LRRC37B: variants seen among roughly 807,000 people sequenced by gnomAD.
LRRC37B encodes leucine rich repeat containing 37B, also known as leucine-rich repeat-containing protein 37B.
A neutral mutation model predicts 98.3 loss-of-function variants in LRRC37B; 28 were observed. That is an observed-to-expected ratio of 0.28 (90% confidence interval 0.21 to 0.39). LRRC37B has a LOEUF of 0.39. Ranked by LOEUF, LRRC37B falls within the 10% of genes least tolerant of loss-of-function variation. The pLI, the probability that LRRC37B is intolerant of heterozygous loss-of-function variation, is 1.00. For synonymous variants in LRRC37B, 364 were observed against 442.7 expected (o/e 0.82, Z 2.23); for missense variants, 938 against 1,182.7 (o/e 0.79, Z 3.03).
At chr17:32,034,331 G>A (rs143636962) in intron 5 of LRRC37B, among the ~76,000 whole-genome samples, 181 of 151,864 alleles carry the variant, frequency 1.2e-3, no homozygotes, top group African/African-American at 4.2e-3. Flanking sequence ...ATGAAACTCC[G>A]TCTCTACTAA....
chr17:32,031,849 C>A (rs1485703138), intron 5 of LRRC37B, among the ~76,000 whole-genome samples: 1 of 151,968 alleles, frequency 6.6e-6, no homozygotes, highest in Admixed American at 6.6e-5. Context: ...ACTGAAAATA[C>A]AAAAAAATTA....
At chr17:32,027,495 G>T (rs1445165281) in intron 2 of LRRC37B, among the ~76,000 whole-genome samples, 1 of 149,116 alleles carries the variant, frequency 6.7e-6, no homozygotes, top group Non-Finnish European at 1.5e-5. Context: ...GTGTGGGTGT[G>T]CTTGTGTGTG....
At chr17:32,021,714 A>G (rs770185671) in exon 1 of LRRC37B, 4 of 1,614,244 alleles carry the variant, frequency 2.5e-6, no homozygotes, top group Non-Finnish European at 3.4e-6. Context: ...TGTTTCGCCC[A>G]AGAACCTGAA....
chr17:32,009,109 T>G (rs1321402545), intron 1 of LRRC37B, among the ~76,000 whole-genome samples: 1 of 152,148 alleles, frequency 6.6e-6, no homozygotes, highest in Non-Finnish European at 1.5e-5. Context: ...TGTCAGTTTT[T>G]GTTGGTTTTT....
chr17:32,009,115 T>G lies in LRRC37B; in HGVS notation c.-191+983T>G, dbSNP rs76151964. 2.2e-4 allele frequency among the ~76,000 whole-genome samples: 33 copies of G among 147,926 alleles called. 1 individual carries two copies. Among genetic ancestry groups the G allele is most frequent in the Admixed American group, 1.2e-3 (17 of 14,762 alleles). ...ACTTGATATTGTCAGTTTTTGTTGG[T>G]TTTTTTTTTAGCCACCTTAGTAAGT... On this transcript the variant is annotated intron_variant, in intron 1 of 14. Coordinates refer to the LRRC37B transcript ENST00000543378.
intron 3 of LRRC37B, among the ~76,000 whole-genome samples, chr17:32,029,969 CTG>C (rs1199411616): frequency 6.6e-6 from 1 of 151,768 alleles, no homozygotes; most frequent in Non-Finnish European, 1.5e-5. Flanking sequence ...TATATGATGA[CTG>C]TGTGGAGGAT....
chr17:32,040,769 G>T, intron 7 of LRRC37B: 1 of 836,020 alleles, frequency 1.2e-6, no homozygotes, highest in Non-Finnish European at 2.1e-6. Context: ...ACGCACTGCT[G>T]GATGCCGGCG....
chr17:32,036,945 A>T (rs1463143947), intron 7 of LRRC37B, among the ~76,000 whole-genome samples: 2 of 129,152 alleles, frequency 1.5e-5, no homozygotes, highest in South Asian at 5.5e-4. Flanking sequence ...CCAGCGTTGT[A>T]TGAGAGTCAC....
intron 11 of LRRC37B, chr17:32,050,519 A>G (rs1317305412): frequency 4.4e-5 from 9 of 203,724 alleles, no homozygotes; most frequent in Non-Finnish European, 7.2e-5. Flanking sequence ...GAGGAAGAAG[A>G]CAGCCAAAAG....
At chr17:32,052,354 T>G (rs397833956) in intron 11 of LRRC37B, 4 of 152,152 alleles carry the variant, frequency 2.6e-5, no homozygotes, top group Admixed American at 1.3e-4. Flanking sequence ...AAAACTTTTG[T>G]TGTAGAGACA....
intron 1 of LRRC37B, among the ~76,000 whole-genome samples, chr17:32,023,198 C>T (rs1221780406): frequency 1.9e-4 from 29 of 151,338 alleles, no homozygotes; most frequent in Admixed American, 1.4e-3. Context: ...CTTGGCTCAC[C>T]GCAACCTCCG....
intron 2 of LRRC37B, among the ~76,000 whole-genome samples, chr17:32,025,801 T>A (rs1273840336): frequency 1.3e-5 from 2 of 152,252 alleles, no homozygotes; most frequent in African/African-American, 2.4e-5. Flanking sequence ...TATGTAGATA[T>A]AAAATTTTAA....
rs760722366 is a variant in LRRC37B, at chr17:32,034,991, A to G, written c.2129+10A>G. 5.1e-6 allele frequency: 8 copies of G among 1,559,434 alleles called. No individual in the cohort carries two copies. Among genetic ancestry groups the G allele is most frequent in the East Asian group, 2.3e-5 (1 of 44,322 alleles). On this transcript the variant is annotated intron_variant, in intron 6 of 11. Coordinates refer to ENST00000327564, the Ensembl canonical transcript of LRRC37B. ...CGGCATTAAAATATCTGTAAGTACT[A>G]TAGTACTCTCATGAGTCATGAGATG... is the stretch of plus-strand genomic sequence containing the variant.
intron 7 of LRRC37B, among the ~76,000 whole-genome samples, chr17:32,039,481 T>A (rs866100720): frequency 0.024 from 519 of 21,634 alleles, 8 homozygotes; most frequent in African/African-American, 0.035. Flanking sequence ...TGCCTAAAAA[T>A]ATATATATAT....
chr17:32,041,985 C>T, intron 7 of LRRC37B: 1 of 363,046 alleles, frequency 2.8e-6, no homozygotes, highest in South Asian at 2.0e-5. Flanking sequence ...GAGACAGGAC[C>T]CTGGTTTTAA....
chr17:32,047,750 T>C lies in LRRC37B; in HGVS notation c.2324-11T>C. Reference sequence around the variant, plus strand: ...ATTTCATGATCAAAGCAGTCTCTTCTTTTCTGACAGCTGAAGAAGCATCTG... The same window carrying C: ...ATTTCATGATCAAAGCAGTCTCTTCCTTTCTGACAGCTGAAGAAGCATCTG... On this transcript the variant is annotated splice_polypyrimidine_tract_variant and intron_variant, in intron 8 of 11. Coordinates refer to ENST00000327564, the Ensembl canonical transcript of LRRC37B. 6.2e-7 allele frequency: 1 copy of C among 1,613,972 alleles called. No homozygotes were observed. The highest frequency in any genetic ancestry group is 8.5e-7 in the Non-Finnish European group (1 of 1,179,838).
At chr17:32,041,424 C>T in intron 7 of LRRC37B, 2 of 736,954 alleles carry the variant, frequency 2.7e-6, no homozygotes, top group Non-Finnish European at 5.0e-6. Context: ...CGTCTTCACG[C>T]TGATCAACCA....
At chr17:32,046,794 A>G (rs1192943865) in intron 8 of LRRC37B, among the ~76,000 whole-genome samples, 1 of 151,916 alleles carries the variant, frequency 6.6e-6, no homozygotes, top group East Asian at 1.9e-4. Context: ...CGCAATCTTT[A>G]CTTCTTCCGC....
chr17:32,008,106 C>A (rs747079636), exon 1 of LRRC37B: 6 of 403,772 alleles, frequency 1.5e-5, no homozygotes, highest in Non-Finnish European at 2.9e-5. Flanking sequence ...AGTTACTCCA[C>A]GGAAAGCAGC....
Sources: gnomAD v4.1 joint callset for allele counts (sites outside exome capture counted in the v4.1 genomes callset) on GRCh38, gnomAD v4.1.1 for gene constraint, MANE v1.5 for transcripts, NCBI Gene and HGNC (gene_info 2026-07-23, HGNC 2026-07-21) for gene names.